Variants in HMBOX1 observed in about 807,000 individuals in gnomAD.
HMBOX1 encodes the protein homeobox-containing protein 1.
A neutral mutation model predicts 54.5 loss-of-function variants in HMBOX1; 14 were observed. The ratio of observed to expected loss-of-function variants is 0.26; its 90% CI spans 0.17 to 0.40. HMBOX1 has a LOEUF of 0.40. Ranked by LOEUF, HMBOX1 falls within the 10% of genes least tolerant of loss-of-function variation. The probability of loss-of-function intolerance (pLI) is 1.00; values close to 1 mark genes in which losing one functional copy is unlikely to be tolerated. For synonymous variants in HMBOX1, 160 were observed against 181.0 expected (o/e 0.88, Z 0.93); for missense variants, 332 against 514.4 (o/e 0.65, Z 3.43).
intron 1 of HMBOX1, among the ~76,000 whole-genome samples, chr8:28,900,191 G>T (rs1812930907): frequency 6.8e-6 from 1 of 147,134 alleles, no homozygotes; most frequent in Non-Finnish European, 1.5e-5. Context: ...GGAGGCAGAG[G>T]TTGCAGTGAG....
At chr8:28,978,606 G>C (rs181777086) in intron 3 of HMBOX1, among the ~76,000 whole-genome samples, 1 of 152,176 alleles carries the variant, frequency 6.6e-6, no homozygotes, top group Admixed American at 6.5e-5. Context: ...AACCAACATG[G>C]TGAAACCCCG....
At chr8:29,039,657 TGAGTAGATA>T (rs1392886316) in intron 6 of HMBOX1, among the ~76,000 whole-genome samples, 2 of 152,152 alleles carry the variant, frequency 1.3e-5, no homozygotes, top group Non-Finnish European at 2.9e-5. Context: ...CCTCCTTTTG[TGAGTAGATA>T]GAAACCATAG....
chr8:28,971,266 T>C (rs1345303826), intron 3 of HMBOX1, among the ~76,000 whole-genome samples: 2 of 151,942 alleles, frequency 1.3e-5, no homozygotes, highest in African/African-American at 4.8e-5. Context: ...CTATTTTGTA[T>C]TTTTAGTAGA....
chr8:29,049,440 T>A, intron 9 of HMBOX1: 1 of 1,507,748 alleles, frequency 6.6e-7, no homozygotes, highest in Non-Finnish European at 8.9e-7. Flanking sequence ...TGAGAAATAC[T>A]AGGGGCAGCT....
intron 1 of HMBOX1, among the ~76,000 whole-genome samples, chr8:28,908,592 C>G (rs904723496): frequency 9.9e-5 from 15 of 152,072 alleles, no homozygotes; most frequent in African/African-American, 3.4e-4. Flanking sequence ...CTGTCTCTAC[C>G]AAAAATACAA....
At chr8:28,930,272 T>C (rs188239563) in intron 1 of HMBOX1, among the ~76,000 whole-genome samples, 9 of 152,272 alleles carry the variant, frequency 5.9e-5, no homozygotes, top group Non-Finnish European at 1.3e-4. Context: ...AGCCTTTTTA[T>C]CTCCTTCCCC....
intron 2 of HMBOX1, among the ~76,000 whole-genome samples, chr8:28,966,343 A>G (rs545787163): frequency 5.3e-5 from 8 of 152,222 alleles, no homozygotes; most frequent in Non-Finnish European, 8.8e-5. Context: ...TGCCTTAAAC[A>G]CTGTCTGTTA....
chr8:28,932,955 T>C (rs1179549446), intron 1 of HMBOX1, among the ~76,000 whole-genome samples: 2 of 152,192 alleles, frequency 1.3e-5, no homozygotes, highest in African/African-American at 4.8e-5. Context: ...TGTGTAGCTC[T>C]CCAAGAAAGT....
At chr8:28,942,003 C>A (rs989863747) in intron 1 of HMBOX1, among the ~76,000 whole-genome samples, 1 of 152,168 alleles carries the variant, frequency 6.6e-6, no homozygotes, top group Non-Finnish European at 1.5e-5. Flanking sequence ...CTTGGGAAGT[C>A]CATCCGCCCT....
intron 4 of HMBOX1, among the ~76,000 whole-genome samples, chr8:28,999,303 G>A (rs974619602): frequency 1.3e-5 from 2 of 152,052 alleles, no homozygotes; most frequent in Non-Finnish European, 2.9e-5. Flanking sequence ...CTTCTCTCTT[G>A]ACACTTCAAG....
At chr8:28,958,539 G>A (rs1287268989) in intron 1 of HMBOX1, among the ~76,000 whole-genome samples, 2 of 152,062 alleles carry the variant, frequency 1.3e-5, no homozygotes, top group Non-Finnish European at 2.9e-5. Flanking sequence ...AGCTTCCTAT[G>A]AACAGCTTCC....
At chr8:28,921,956 T>C (rs1335755450) in intron 1 of HMBOX1, among the ~76,000 whole-genome samples, 1 of 152,162 alleles carries the variant, frequency 6.6e-6, no homozygotes, top group Non-Finnish European at 1.5e-5. Flanking sequence ...ACAAAAGTAA[T>C]ACTTAGAAGA....
intron 1 of HMBOX1, among the ~76,000 whole-genome samples, chr8:28,901,722 G>A (rs1217162880): frequency 6.6e-6 from 1 of 152,138 alleles, no homozygotes; most frequent in African/African-American, 2.4e-5. Flanking sequence ...TTTCGTCCCT[G>A]TGCTTTGTGA....
chr8:28,931,592 C>T (rs1057197439), intron 1 of HMBOX1, among the ~76,000 whole-genome samples: 1 of 152,052 alleles, frequency 6.6e-6, no homozygotes, highest in Admixed American at 6.6e-5. Context: ...CTCAGGCTGG[C>T]GTGCAGTGTT....
intron 1 of HMBOX1, among the ~76,000 whole-genome samples, chr8:28,929,757 A>G (rs1394612156): frequency 1.3e-5 from 2 of 152,124 alleles, no homozygotes; most frequent in African/African-American, 4.8e-5. Context: ...TTGGAGAAAT[A>G]AATTTGTGAG....
intron 1 of HMBOX1, among the ~76,000 whole-genome samples, chr8:28,942,855 C>T (rs1161140984): frequency 6.6e-6 from 1 of 152,194 alleles, no homozygotes; most frequent in African/African-American, 2.4e-5. Context: ...ATGAGTGTAT[C>T]TGTAGCATAA....
At chr8:28,897,018 CTT>C (rs945122747) in intron 1 of HMBOX1, among the ~76,000 whole-genome samples, 6 of 139,932 alleles carry the variant, frequency 4.3e-5, no homozygotes, top group African/African-American at 1.3e-4. Flanking sequence ...GAGTTTCGCT[CTT>C]GTTACCCAGG....
intron 1 of HMBOX1, among the ~76,000 whole-genome samples, chr8:28,944,844 A>G (rs1822128204): frequency 6.6e-6 from 1 of 152,174 alleles, no homozygotes; most frequent in Admixed American, 6.5e-5. Flanking sequence ...AAGGTTTGTT[A>G]GAGGCACTGT....
intron 5 of HMBOX1, chr8:29,009,480 T>G: frequency 1.0e-6 from 1 of 974,984 alleles, no homozygotes; most frequent in Non-Finnish European, 1.2e-6. Flanking sequence ...CAGTGGCTGA[T>G]TTTGTTTTCT....
Sources: allele counts gnomAD v4.1 joint callset (sites outside exome capture counted in the v4.1 genomes callset), GRCh38; gene constraint gnomAD v4.1.1; transcripts MANE v1.5; gene names NCBI Gene and HGNC (gene_info 2026-07-23, HGNC 2026-07-21).